TMEM201: variants seen among roughly 807,000 people sequenced by gnomAD.
The protein encoded by TMEM201 is RP13-15M17.2.
In TMEM201, 26 loss-of-function variants were observed where a neutral mutation model predicts 63.4. The observed-to-expected ratio is 0.41, with a 90% CI of 0.30 to 0.57. TMEM201 has a LOEUF of 0.57. TMEM201 is among the 20% of genes least tolerant of loss of function. TMEM201 has a pLI of 0.29. For synonymous variants in TMEM201, 417 were observed against 421.6 expected, an observed-to-expected ratio of 0.99 and a Z score of 0.14; for missense variants, 794 against 917.7, an observed-to-expected ratio of 0.87 and a Z score of 1.74.
chr1:9,605,931 G>A lies in TMEM201; in HGVS notation c.1161-1626G>A, dbSNP rs1363857717. Among the ~76,000 whole-genome samples, 1 of 152,182 alleles carries A rather than the reference G, an allele frequency of 6.6e-6. No individual in the cohort carries two copies. The highest frequency in any genetic ancestry group is 6.5e-5 in the Admixed American group (1 of 15,288). ...CCCCCAACGGTACTCTCAGGTCACT[G>A]GGGGACCTGGTCACCCTTGGCTGAC... On this transcript the variant is annotated intron_variant, in intron 6 of 10. Coordinates refer to ENST00000340381, the MANE Select transcript of TMEM201 (RefSeq NM_001130924.3). This position sits in a 1 kb window ranked among gnomAD's most constrained non-coding sequence, Gnocchi z 5.7.
In TMEM201 at chr1:9,603,201, G is replaced by C; in HGVS notation, c.1160+929G>C. On this transcript the variant is annotated intron_variant, in intron 6 of 10. Transcript: ENST00000340381. This position sits in a 1 kb window ranked among gnomAD's most constrained non-coding sequence, Gnocchi z 4.5. ...ACTCTGTCCTCCGACTCAGGTGAGG[G>C]GGCAGCCCACAGACCTGCTCCTCAG... The C allele has an allele frequency of 1.0e-6, 1 of 985,514 alleles. No individual in the cohort carries two copies. Among genetic ancestry groups the C allele is most frequent in the Non-Finnish European group, 1.2e-6 (1 of 829,988 alleles). The allele number at this position is 985,514 out of a possible 1,614,324, so 61.0% of individuals were successfully genotyped here. A position where few individuals can be genotyped will look rare whatever the true frequency, so the allele number is the denominator to read the frequency against.
In TMEM201 at chr1:9,596,403, C is replaced by T. The variant is rs562508977; in HGVS notation, c.234+393C>T. Among the ~76,000 whole-genome samples, 90 of 152,364 alleles carry T rather than the reference C, an allele frequency of 5.9e-4. 1 individual carries two copies. Among genetic ancestry groups the T allele is most frequent in the Admixed American group, 5.6e-3 (85 of 15,312 alleles). On this transcript the variant is annotated intron_variant, in intron 2 of 10. Transcript: ENST00000340381. ...TTTTAAGCTTTGGAAGCCATTTGGT[C>T]TCTGTCACAACTGCTAACCCTGCTG...
intron 6 of TMEM201, chr1:9,602,585 C>T (rs1644167361): frequency 1.6e-6 from 2 of 1,280,554 alleles, no homozygotes; most frequent in South Asian, 1.7e-5. Flanking sequence ...CCCACACAGG[C>T]TCTGGCCCAT....
At chr1:9,599,409 G>A (rs115735312) in intron 4 of TMEM201, among the ~76,000 whole-genome samples, 66 of 151,132 alleles carry the variant, frequency 4.4e-4, no homozygotes, top group African/African-American at 1.6e-3. Flanking sequence ...CACCACAGCC[G>A]ACTAATATTT....
chr1:9,600,915 G>T (rs1036575605), intron 4 of TMEM201, among the ~76,000 whole-genome samples, 190 bp from the exon 5 acceptor site: 5 of 152,116 alleles, frequency 3.3e-5, no homozygotes, highest in Non-Finnish European at 7.4e-5. Flanking sequence ...AAAGGAGAGG[G>T]TGGTAGAGCA....
Position 9,610,374 on chromosome 1 carries a change from C to T in TMEM201, c.1466-132C>T, listed in dbSNP as rs1310381483. ...CCTTCAGCTTTGCAGCAGGACTTCCCCCTGTCCCCAGTCTCTGCACCTTTC... is the reference window on the plus strand; with the variant it reads ...CCTTCAGCTTTGCAGCAGGACTTCCTCCTGTCCCCAGTCTCTGCACCTTTC... On this transcript the variant is annotated intron_variant, in intron 8 of 10. Transcript: ENST00000340381. This position sits in a 1 kb window ranked among gnomAD's most constrained non-coding sequence, Gnocchi z 4.9. The T allele has an allele frequency of 1.3e-5, 12 of 950,460 alleles. No homozygotes were observed. The highest frequency in any genetic ancestry group is 1.7e-5 in the Non-Finnish European group (11 of 657,054). 58.9% of individuals were successfully genotyped at this position (950,460 alleles called of 1,614,324 possible).
chr1:9,591,315 C>T (rs1295019250), intron 1 of TMEM201, among the ~76,000 whole-genome samples: 1 of 152,248 alleles, frequency 6.6e-6, no homozygotes, highest in Non-Finnish European at 1.5e-5. Context: ...CCCCACATCA[C>T]CCGGCTGTTA....
chr1:9,589,018 G>A lies in TMEM201; in HGVS notation c.88G>A (p.Val30Met). The change falls in exon 1 of 11, where the codon GTG (valine) becomes ATG (methionine). Residue 30 changes from valine (V) to methionine (M), a missense_variant. Physicochemically the swap from Val to Met is conservative, Grantham distance 21. Transcript: ENST00000340381. The part of the protein sequence containing the change: ...LGVTACAAAG[V>M]LLYRIARRMK... ...GGTCACGGCGTGCGCCGCGGCCGGC[G>A]TGTTGCTCTACCGGATCGCGCGGAG... 2 of 1,167,742 alleles carry A rather than the reference G, an allele frequency of 1.7e-6. No homozygotes were observed. The allele number at this position is 1,167,742 out of a possible 1,614,324, so 72.3% of individuals were successfully genotyped here. A position where few individuals can be genotyped will look rare whatever the true frequency, so the allele number is the denominator to read the frequency against.
At chr1:9,601,885 A>G (rs1569938322) in intron 5 of TMEM201, among the ~76,000 whole-genome samples, 184 bp from the exon 6 acceptor site, 1 of 152,266 alleles carries the variant, frequency 6.6e-6, no homozygotes, top group East Asian at 1.9e-4. Flanking sequence ...GGCTGAGGAG[A>G]AACACTGACC....
chr1:9,595,798 T>C (rs1188170566), intron 1 of TMEM201, 92 bp from the exon 2 acceptor site: 18 of 1,577,704 alleles, frequency 1.1e-5, no homozygotes, highest in Non-Finnish European at 1.5e-5. Flanking sequence ...CCCAGCACCC[T>C]TTCCCTGGTG....
At chr1:9,592,485 G>A (rs1643937427) in intron 1 of TMEM201, among the ~76,000 whole-genome samples, 1 of 152,214 alleles carries the variant, frequency 6.6e-6, no homozygotes, top group Admixed American at 6.5e-5. Flanking sequence ...CCCCAGGGCA[G>A]GGACCAAGCC....
intron 5 of TMEM201, 63 bp downstream of exon 5, chr1:9,601,517 G>A: frequency 6.8e-7 from 1 of 1,477,006 alleles, no homozygotes; most frequent in South Asian, 1.3e-5. Flanking sequence ...TTACTGTCTA[G>A]GGCGGGGGCC....
chr1:9,609,204 C>G (rs1644287444), intron 7 of TMEM201, among the ~76,000 whole-genome samples: 1 of 152,182 alleles, frequency 6.6e-6, no homozygotes, highest in South Asian at 2.1e-4. Context: ...CCAGCCTATC[C>G]CCTGGCCTGG....
Position 9,603,603 on chromosome 1 carries a change from G to A in TMEM201, c.1160+1331G>A. The A allele has an allele frequency of 1.0e-6, 1 of 985,496 alleles. No individual in the cohort carries two copies. The highest frequency in any genetic ancestry group is 1.2e-6 in the Non-Finnish European group (1 of 829,994). The allele number at this position is 985,496 out of a possible 1,614,324, so 61.0% of individuals were successfully genotyped here. ...TGCGTTGGAACCCCGGGGGAGGCAA[G>A]AGCAGATCACAGGTGCATGAGGGTT... is the stretch of plus-strand genomic sequence containing the variant. On this transcript the variant is annotated intron_variant, in intron 6 of 10. Transcript: ENST00000340381. This position sits in a 1 kb window ranked among gnomAD's most constrained non-coding sequence, Gnocchi z 4.5.
rs376930234 is a variant in TMEM201 at position 9,596,030 on chromosome 1, G to T, written c.234+20G>T. ...CAGGAGGTGTGGGTCACAGGCAGGC[G>T]GACGGGTGGGCACGCGGGGGTGGGG... On this transcript the variant is annotated intron_variant, in intron 2 of 10. Transcript: ENST00000340381. 1 of 1,609,412 alleles carries T rather than the reference G, an allele frequency of 6.2e-7. No individual in the cohort carries two copies. Among genetic ancestry groups the T allele is most frequent in the Non-Finnish European group, 8.5e-7 (1 of 1,179,652 alleles).
chr1:9,603,450 C>T lies in TMEM201; in HGVS notation c.1160+1178C>T. ...GGTCCCAGTCGAGAGTGGCCCGAGG[C>T]CGTCCCTCACCGGGCATGTTCCCTC... On this transcript the variant is annotated intron_variant, in intron 6 of 10. Coordinates refer to ENST00000340381, the MANE Select transcript of TMEM201 (RefSeq NM_001130924.3). The surrounding 1 kb of genome is among the most constrained non-coding windows in gnomAD (Gnocchi z 4.5). The T allele has an allele frequency of 1.0e-6, 1 of 985,442 alleles. No homozygotes were observed. Among genetic ancestry groups the T allele is most frequent in the Non-Finnish European group, 1.2e-6 (1 of 829,952 alleles). 61.0% of individuals were successfully genotyped at this position (985,442 alleles called of 1,614,324 possible).
rs190948318 is a variant in TMEM201, at chr1:9,609,882, T to G, written c.1436T>G (p.Val479Gly). ...AGCGGTAGCCGCCCACCATCTCAGG[T>G]GTCTCGATCTGGGGAGTTTCCTGTT... ...LFSGSRPPSQ[V>G]SRSGEFPVSD... Residue 479 changes from valine (V) to glycine (G), a missense_variant, in exon 8 of 11, where the codon GTG (valine) becomes GGG (glycine). By Grantham distance (109) the Val-to-Gly change is moderately radical. Coordinates refer to ENST00000340381, the MANE Select transcript of TMEM201 (RefSeq NM_001130924.3). The G allele has an allele frequency of 3.1e-4, 481 of 1,551,360 alleles. 3 individuals are homozygous for G. The African/African-American group carries it at 5.9e-3, about 19-fold the overall frequency.
rs1208593586 is a variant in TMEM201, at chr1:9,604,349, A to AG, written c.1160+2079dup. 2 of 985,244 alleles carry AG rather than the reference A, an allele frequency of 2.0e-6. No individual in the cohort carries two copies. Among genetic ancestry groups the AG allele is most frequent in the African/African-American group, 3.5e-5 (2 of 57,218 alleles). The allele number at this position is 985,244 out of a possible 1,614,324, so 61.0% of individuals were successfully genotyped here. On this transcript the variant is annotated intron_variant, in intron 6 of 10. Transcript: ENST00000340381. This position sits in a 1 kb window ranked among gnomAD's most constrained non-coding sequence, Gnocchi z 4.1. ...CGGGGTCCGGAAGCGACATCTCAGG[A>AG]GGTAGCTCTCAGCAGAGTGAGGATT...
At position 9,603,634 on chromosome 1, in the gene TMEM201, C is replaced by G; in HGVS notation, c.1160+1362C>G. ...ATCACAGGTGCATGAGGGTTACACCCGTCACCTGGGTCTGCCGGGATGGGT... is the reference window on the plus strand; with the variant it reads ...ATCACAGGTGCATGAGGGTTACACCGGTCACCTGGGTCTGCCGGGATGGGT... On this transcript the variant is annotated intron_variant, in intron 6 of 10. Coordinates refer to ENST00000340381, the MANE Select transcript of TMEM201 (RefSeq NM_001130924.3). The surrounding 1 kb of genome is among the most constrained non-coding windows in gnomAD (Gnocchi z 4.5). 1.0e-6 allele frequency: 1 copy of G among 985,442 alleles called. No homozygotes were observed. Among genetic ancestry groups the G allele is most frequent in the Non-Finnish European group, 1.2e-6 (1 of 829,968 alleles). The allele number at this position is 985,442 out of a possible 1,614,324, so 61.0% of individuals were successfully genotyped here. A position where few individuals can be genotyped will look rare whatever the true frequency, so the allele number is the denominator to read the frequency against.
Sources: gnomAD v4.1 joint callset for allele counts (sites outside exome capture counted in the v4.1 genomes callset) on GRCh38, gnomAD v4.1.1 for gene constraint, Gnocchi (gnomAD v3.1) non-coding constraint, MANE v1.5 for transcripts, NCBI Gene and HGNC (gene_info 2026-07-23, HGNC 2026-07-21) for gene names.